DENND11: variants seen among roughly 807,000 people sequenced by gnomAD.
DENND11 encodes the protein DENN domain-containing protein 11.
A neutral mutation model predicts 49.2 loss-of-function variants in DENND11; 34 were observed. The observed-to-expected ratio is 0.69, with a 90% CI of 0.53 to 0.92. The LOEUF (loss-of-function observed/expected upper bound fraction) is 0.92. DENND11 is among the 40% of genes least tolerant of loss of function. The pLI is 0.00. For synonymous variants in DENND11, 238 were observed against 230.3 expected, an observed-to-expected ratio of 1.03 and a Z score of -0.30; for missense variants, 475 against 581.6, an observed-to-expected ratio of 0.82 and a Z score of 1.88.
chr7:141,694,533 T>C (rs757463534), intron 1 of DENND11, among the ~76,000 whole-genome samples: 3 of 152,182 alleles, frequency 2.0e-5, no homozygotes, highest in Non-Finnish European at 4.4e-5. Flanking sequence ...AGTGTTGGTA[T>C]TACAGGCGTT....
chr7:141,682,833 A>G (rs190314869), intron 3 of DENND11, among the ~76,000 whole-genome samples: 1 of 152,290 alleles, frequency 6.6e-6, no homozygotes, highest in East Asian at 1.9e-4. Flanking sequence ...ATTTTGAACC[A>G]TGAAACTGTA....
chr7:141,690,436 T>C (rs774261834), intron 1 of DENND11, among the ~76,000 whole-genome samples: 10 of 152,204 alleles, frequency 6.6e-5, no homozygotes, highest in Middle Eastern at 3.2e-3. Context: ...TCTTCCTTCA[T>C]AACTGTCTGC....
chr7:141,674,154 C>T lies in DENND11; in HGVS notation c.594G>A (p.Val198=). ...TGCCTCTGCCGGGACCAGCATGGAG[C>T]ACCCCCTTTTTGTCCTCATAGAAGG... is the stretch of plus-strand genomic sequence containing the variant. ...LAAFYEDKKG[V]LHAGPGRGSS... is the part of the protein sequence containing the mutation. The change falls in exon 4 of 9, where the codon GTG becomes GTA. Residue 198 remains valine, a synonymous_variant. Coordinates refer to ENST00000536163, the MANE Select transcript of DENND11 (RefSeq NM_001080392.2). 6.4e-7 allele frequency: 1 copy of T among 1,574,170 alleles called. No individual in the cohort carries two copies.
At chr7:141,677,501 G>GTATATATATATATATA (rs1221114182) in intron 3 of DENND11, among the ~76,000 whole-genome samples, 1 of 130,370 alleles carries the variant, frequency 7.7e-6, no homozygotes. Flanking sequence ...GTGTGTGTGT[G>GTATATATATATATATA]TGTATATATA....
rs958867137 is a variant in DENND11 at position 141,657,252 on chromosome 7, G to A, written c.*5404C>T. ...GTCAACAAGTTTTGGGTAAATAAAGGAAATTCATTTTGCTTTCCTCTGCTC... is the reference window on the plus strand; with the variant it reads ...GTCAACAAGTTTTGGGTAAATAAAGAAAATTCATTTTGCTTTCCTCTGCTC... On this transcript the variant is annotated 3_prime_UTR_variant, in exon 9 of 9. Transcript: ENST00000536163. 1.3e-5 allele frequency: 2 copies of A among 152,284 alleles called. No individual in the cohort carries two copies. Among genetic ancestry groups the A allele is most frequent in the Non-Finnish European group, 2.9e-5 (2 of 68,012 alleles). The allele number at this position is 152,284 out of a possible 1,614,324, so 9.4% of individuals were successfully genotyped here.
chr7:141,688,298 A>G (rs1399153473), intron 1 of DENND11, among the ~76,000 whole-genome samples: 1 of 152,236 alleles, frequency 6.6e-6, no homozygotes, highest in African/African-American at 2.4e-5. Flanking sequence ...TTTGCTAGGC[A>G]TTAGAAAAAC....
intron 3 of DENND11, among the ~76,000 whole-genome samples, chr7:141,675,490 C>T (rs1798049797): frequency 6.6e-6 from 1 of 152,206 alleles, no homozygotes; most frequent in South Asian, 2.1e-4. Context: ...CAGTGTCCTA[C>T]AATTTCCATC....
At chr7:141,688,918 G>A (rs1798284757) in intron 1 of DENND11, among the ~76,000 whole-genome samples, 1 of 152,208 alleles carries the variant, frequency 6.6e-6, no homozygotes, top group African/African-American at 2.4e-5. Flanking sequence ...GAAAGGGACT[G>A]TCTGGGACAG....
rs116179926 is a variant in DENND11 at position 141,698,512 on chromosome 7, C to G, written c.268+3374G>C. Among the ~76,000 whole-genome samples the G allele has an allele frequency of 7.1e-3, 1,080 of 152,256 alleles. 15 individuals carry two copies. The highest frequency in any genetic ancestry group is 0.025 in the African/African-American group (1,051 of 41,536). On this transcript the variant is annotated intron_variant, in intron 1 of 8. Transcript: ENST00000536163. ...GAGGACTGAGTGTATGTGTAAGCCT[C>G]ACTTTGAACCTGAAGCCCCTAGTTC...
chr7:141,665,227 A>G lies in DENND11; in HGVS notation c.912T>C (p.Ala304=), dbSNP rs1358621142. ...CCTCTACCTCCAGGCTCTCGATGTC[A>G]GCCACGTTCACGTAGAAGAAAGGTT... ...ESKPFFYVNV[A]DIESLEVEVS... Residue 304 remains alanine, a synonymous_variant, in exon 6 of 9, where the codon GCT becomes GCC. Transcript: ENST00000536163. 1.2e-6 allele frequency: 2 copies of G among 1,613,358 alleles called. No homozygotes were observed. Among genetic ancestry groups the G allele is most frequent in the South Asian group, 1.1e-5 (1 of 90,852 alleles).
intron 1 of DENND11, among the ~76,000 whole-genome samples, chr7:141,691,805 C>T (rs373543929): frequency 5.7e-4 from 87 of 152,232 alleles, no homozygotes; most frequent in Middle Eastern, 6.8e-3. Context: ...ATGTCTTTGA[C>T]GTCTGTCTCT....
intron 1 of DENND11, among the ~76,000 whole-genome samples, chr7:141,691,028 A>T (rs991958813): frequency 6.6e-6 from 1 of 152,138 alleles, no homozygotes; most frequent in Non-Finnish European, 1.5e-5. Context: ...CTGTCCTTCC[A>T]TATCCACTCT....
intron 3 of DENND11, among the ~76,000 whole-genome samples, chr7:141,685,026 A>AT (rs1798212220): frequency 1.3e-4 from 13 of 101,654 alleles, no homozygotes; most frequent in South Asian, 5.3e-4. Context: ...AAAAAAAAAA[A>AT]AAAATATATA....
At chr7:141,674,250 C>A in intron 3 of DENND11, 30 bp from the exon 4 acceptor site, 1 of 1,522,518 alleles carries the variant, frequency 6.6e-7, no homozygotes, top group Non-Finnish European at 8.8e-7. Context: ...CACACACACA[C>A]ACACACACAG....
Position 141,669,244 on chromosome 7 carries a change from G to GTT in DENND11, c.682-2821_682-2820dup, listed in dbSNP as rs36043478. Among the ~76,000 whole-genome samples the GTT allele has an allele frequency of 2.0e-3, 269 of 133,744 alleles. 4 individuals are homozygous for GTT. Among genetic ancestry groups the GTT allele is most frequent in the East Asian group, 0.011 (49 of 4,366 alleles). 87.7% of individuals were successfully genotyped at this position (133,744 alleles called of 152,430 possible). Reference sequence around the variant, plus strand: ...TACATTAAAAGCTTACTTCTTTAAAGTTTTTTTTTTTTTTTTTTTGAGAGG... The same window carrying GTT: ...TACATTAAAAGCTTACTTCTTTAAAGTTTTTTTTTTTTTTTTTTTTTGAGAGG... On this transcript the variant is annotated intron_variant, in intron 4 of 8. Coordinates refer to ENST00000536163, the MANE Select transcript of DENND11 (RefSeq NM_001080392.2).
At chr7:141,694,361 A>G (rs1299700808) in intron 1 of DENND11, among the ~76,000 whole-genome samples, 3 of 151,952 alleles carry the variant, frequency 2.0e-5, no homozygotes. Flanking sequence ...CCAGGGCTCA[A>G]ATGATCCGCC....
intron 1 of DENND11, among the ~76,000 whole-genome samples, chr7:141,698,573 A>T (rs1314639060): frequency 1.3e-5 from 2 of 152,112 alleles, no homozygotes; most frequent in African/African-American, 4.8e-5. Flanking sequence ...CATAATTTTC[A>T]ATCCATGAGT....
At position 141,683,476 on chromosome 7, in the gene DENND11, TA is replaced by T. The variant is rs368499102; in HGVS notation, c.527+2001del. 4.2e-3 allele frequency among the ~76,000 whole-genome samples: 637 copies of T among 150,860 alleles called. 4 individuals carry two copies. The highest frequency in any genetic ancestry group is 0.014 in the African/African-American group (591 of 41,172). On this transcript the variant is annotated intron_variant, in intron 3 of 8. Transcript: ENST00000536163. ...CAACATGGTGAAACCCCGTCTCTAC[TA>T]AAAAAAAATAAATAAATTAGCCGGC...
chr7:141,662,652 C>T lies in DENND11; in HGVS notation c.*4G>A, dbSNP rs970943643. On this transcript the variant is annotated 3_prime_UTR_variant, in exon 9 of 9. Transcript: ENST00000536163. ...GAAGTGGCTCCCAGTCCTGTTGGCT[C>T]CTCCTACGGGCAACAGGGGTTGTCG... is the stretch of plus-strand genomic sequence containing the variant. 1 of 1,557,916 alleles carries T rather than the reference C, an allele frequency of 6.4e-7. No individual in the cohort carries two copies. Among genetic ancestry groups the T allele is most frequent in the South Asian group, 1.2e-5 (1 of 81,930 alleles).
Sources: gnomAD v4.1 joint callset for allele counts (sites outside exome capture counted in the v4.1 genomes callset) on GRCh38, gnomAD v4.1.1 for gene constraint, MANE v1.5 for transcripts, NCBI Gene and HGNC (gene_info 2026-07-23, HGNC 2026-07-21) for gene names.